The following COX14 variants were observed in gnomAD, a reference collection of about 807,000 sequenced individuals.
COX14 encodes the protein cytochrome c oxidase assembly factor COX14.
In COX14, 3 loss-of-function variants were observed where a neutral mutation model predicts 5.8. The ratio of observed to expected loss-of-function variants is 0.51; its 90% CI spans 0.23 to 1.33. The LOEUF is 1.33. Among genes scored for constraint, COX14 ranks in the 40% most tolerant of loss-of-function variants. The pLI is 0.18. For missense variants in COX14, 72 were observed against 72.1 expected, an observed-to-expected ratio of 1.00 and a Z score of 0.01; for synonymous variants, 25 against 26.1, an observed-to-expected ratio of 0.96 and a Z score of 0.13.
intron 1 of COX14, among the ~76,000 whole-genome samples, chr12:50,112,677 T>A (rs1157542267): frequency 3.3e-5 from 5 of 152,158 alleles, no homozygotes; most frequent in African/African-American, 1.2e-4. Context: ...TTGACCGCTT[T>A]CACTTCCTGG....
rs60776854 is a variant in COX14, at chr12:50,113,591, C to T, written c.-9+1290C>T. Among the ~76,000 whole-genome samples, 533 of 152,002 alleles carry T rather than the reference C, an allele frequency of 3.5e-3. 1 individual carries two copies. Among genetic ancestry groups the T allele is most frequent in the African/African-American group, 0.012 (518 of 41,466 alleles). ...GTGCTGGGATTACAGGCGTGAGCCA[C>T]TGTACCCGGCCGTTATTTTATTTAT... On this transcript the variant is annotated intron_variant, in intron 1 of 1. Transcript: ENST00000550487.
At position 50,116,648 on chromosome 12, in the gene COX14, G is replaced by A. The variant is rs149712154; in HGVS notation, c.-8-3388G>A. Among the ~76,000 whole-genome samples, 276 of 152,274 alleles carry A rather than the reference G, an allele frequency of 1.8e-3. 1 individual carries two copies. The highest frequency in any genetic ancestry group is 2.9e-3 in the Non-Finnish European group (200 of 68,020). On this transcript the variant is annotated intron_variant, in intron 1 of 1. Coordinates refer to ENST00000550487, the MANE Select transcript of COX14 (RefSeq NM_032901.4). ...GAGTAGGAATAGCAATAAGTGACAG[G>A]GAAGTTGAAGGCTGCAGGGCTCTTT...
At chr12:50,112,907 C>CGTTATGTTATGTTATGAT (rs1555188845) in intron 1 of COX14, 2 of 149,432 alleles carry the variant, frequency 1.3e-5, no homozygotes, top group African/African-American at 5.0e-5. Context: ...GCATGATGTA[C>CGTTATGTTATGTTATGAT]GTTATGTTAT....
rs543283333 is a variant in COX14, at chr12:50,115,448, C to T, written c.-9+3147C>T. On this transcript the variant is annotated intron_variant, in intron 1 of 1. Coordinates refer to ENST00000550487, the MANE Select transcript of COX14 (RefSeq NM_032901.4). ...GCCAGGATGGTCTCGATCTCCTGAC[C>T]TCGTGATCCACCCGCCTTGGCCTCC... is the stretch of plus-strand genomic sequence containing the variant. Among the ~76,000 whole-genome samples the T allele has an allele frequency of 1.3e-4, 19 of 151,926 alleles. 1 individual carries two copies. The South Asian group carries it at 2.1e-3, about 17-fold the overall frequency.
At chr12:50,119,749 A>G (rs1014620758) in intron 1 of COX14, among the ~76,000 whole-genome samples, 1 of 152,230 alleles carries the variant, frequency 6.6e-6, no homozygotes, top group Non-Finnish European at 1.5e-5. Flanking sequence ...ACTTCTGTCC[A>G]CAGGCATGGA....
chr12:50,117,612 T>C, intron 1 of COX14, among the ~76,000 whole-genome samples: 1 of 147,822 alleles, frequency 6.8e-6, no homozygotes, highest in South Asian at 2.1e-4. Context: ...GGTGTCTCAC[T>C]CTGTTGCCCA....
chr12:50,114,234 A>AT (rs1410025869), intron 1 of COX14, among the ~76,000 whole-genome samples: 1 of 151,282 alleles, frequency 6.6e-6, no homozygotes, highest in Admixed American at 6.6e-5. Context: ...AAAAAAAAAA[A>AT]AAAACAGGTG....
chr12:50,113,171 G>C (rs371690128), intron 1 of COX14, among the ~76,000 whole-genome samples: 40 of 151,890 alleles, frequency 2.6e-4, no homozygotes, highest in Non-Finnish European at 4.3e-4. Context: ...CACCGTACCC[G>C]GCCGATGTAC....
chr12:50,120,186 CAGA>C lies in COX14; in HGVS notation c.148_150del (p.Glu50del). 2 of 1,614,094 alleles carry C rather than the reference CAGA, an allele frequency of 1.2e-6. No homozygotes were observed. The highest frequency in any genetic ancestry group is 1.7e-6 in the Non-Finnish European group (2 of 1,180,018). ...TGGCGCAGGGCCCAGCGCCAGGCCG[CAGA>C]AGAACAGAAGACCTCAGGAATCATG... On this transcript the variant is annotated inframe_deletion, in exon 2 of 2. Coordinates refer to ENST00000550487, the MANE Select transcript of COX14 (RefSeq NM_032901.4).
At chr12:50,114,021 C>T (rs1486054331) in intron 1 of COX14, among the ~76,000 whole-genome samples, 1 of 151,498 alleles carries the variant, frequency 6.6e-6, no homozygotes, top group Admixed American at 6.6e-5. Flanking sequence ...CACTGCAGCC[C>T]CAAACTCGTT....
intron 1 of COX14, among the ~76,000 whole-genome samples, chr12:50,115,211 A>T (rs1308936907): frequency 6.8e-6 from 1 of 147,824 alleles, no homozygotes; most frequent in East Asian, 2.0e-4. Context: ...CTGGCTGAGC[A>T]TCTTAATTTT....
Position 50,119,641 on chromosome 12 carries a change from G to A in COX14, c.-8-395G>A, listed in dbSNP as rs532962093. 1.1e-4 allele frequency among the ~76,000 whole-genome samples: 16 copies of A among 152,320 alleles called. 1 individual carries two copies. The South Asian group carries it at 2.5e-3, about 24-fold the overall frequency. On this transcript the variant is annotated intron_variant, in intron 1 of 1. Transcript: ENST00000550487. ...GCCCAGGAGGTTGAAGCTGCAATGA[G>A]TCATACTCACACCACTGCACTCCAG... is the stretch of plus-strand genomic sequence containing the variant.
intron 1 of COX14, among the ~76,000 whole-genome samples, chr12:50,117,716 C>T (rs989730119): frequency 8.0e-5 from 12 of 150,610 alleles, no homozygotes; most frequent in African/African-American, 2.4e-4. Context: ...GTAGCAGGGA[C>T]GCAGGCATGC....
At chr12:50,116,705 T>G (rs1277454465) in intron 1 of COX14, among the ~76,000 whole-genome samples, 1 of 152,212 alleles carries the variant, frequency 6.6e-6, no homozygotes, top group Non-Finnish European at 1.5e-5. Context: ...TCCATGGGTG[T>G]GTGTTTTGTT....
intron 1 of COX14, among the ~76,000 whole-genome samples, chr12:50,113,342 C>G (rs1332611792): frequency 6.8e-6 from 1 of 148,058 alleles, no homozygotes; most frequent in Non-Finnish European, 1.5e-5. Context: ...CTTGCTCTGT[C>G]GCCCAGGCTG....
intron 1 of COX14, among the ~76,000 whole-genome samples, chr12:50,119,128 G>A (rs569688211): frequency 6.6e-6 from 1 of 152,306 alleles, no homozygotes; most frequent in Admixed American, 6.5e-5. Context: ...AATTAATACT[G>A]TAGAAGGTTA....
chr12:50,114,530 G>A (rs1362740834), intron 1 of COX14, among the ~76,000 whole-genome samples: 1 of 152,040 alleles, frequency 6.6e-6, no homozygotes, highest in African/African-American at 2.4e-5. Context: ...GGGACTACAG[G>A]AGTGAGCCAC....
chr12:50,117,682 C>G (rs1202160484), intron 1 of COX14, among the ~76,000 whole-genome samples: 1 of 151,120 alleles, frequency 6.6e-6, no homozygotes, highest in Non-Finnish European at 1.5e-5. Flanking sequence ...GGGATTCAAG[C>G]AATTCTCCTG....
intron 1 of COX14, among the ~76,000 whole-genome samples, chr12:50,113,782 G>A (rs1951053067): frequency 6.6e-6 from 1 of 151,912 alleles, no homozygotes; most frequent in Non-Finnish European, 1.5e-5. Context: ...ACAGGCATGT[G>A]CCACCATGCC....
Sources: gnomAD v4.1 joint callset for allele counts (sites outside exome capture counted in the v4.1 genomes callset) on GRCh38, gnomAD v4.1.1 for gene constraint, MANE v1.5 for transcripts, NCBI Gene and HGNC (gene_info 2026-07-23, HGNC 2026-07-21) for gene names.